PPP2R2C: variants seen among roughly 807,000 people sequenced by gnomAD.
PPP2R2C encodes protein phosphatase 2 regulatory subunit Bgamma.
A neutral mutation model predicts 45.3 loss-of-function variants in PPP2R2C; 10 were observed. The ratio of observed to expected loss-of-function variants is 0.22; its 90% confidence interval spans 0.14 to 0.37. PPP2R2C has a LOEUF of 0.37. PPP2R2C is among the 10% of genes least tolerant of loss of function. The probability of loss-of-function intolerance (pLI) is 1.00; values close to 1 mark genes in which losing one functional copy is unlikely to be tolerated. For synonymous variants in PPP2R2C, 257 were observed against 245.4 expected (o/e 1.05, Z -0.44); for missense variants, 308 against 619.7 (o/e 0.50, Z 5.34).
chr4:6,373,900 C>CGTGTGTGTGTGTGTGTGT (rs1560492609), intron 4 of PPP2R2C, among the ~76,000 whole-genome samples: 1 of 123,798 alleles, frequency 8.1e-6, no homozygotes, highest in Non-Finnish European at 1.7e-5. Flanking sequence ...TATGTGCATG[C>CGTGTGTGTGTGTGTGTGT]ATGTGTGTGT....
intron 2 of PPP2R2C, among the ~76,000 whole-genome samples, chr4:6,522,345 G>A (rs865944321): frequency 9.0e-4 from 137 of 152,360 alleles, no homozygotes; most frequent in African/African-American, 3.2e-3. Context: ...AGCACTCCCG[G>A]GCATTACCAA....
intron 2 of PPP2R2C, among the ~76,000 whole-genome samples, chr4:6,495,269 G>A (rs538414335): frequency 5.3e-5 from 8 of 152,222 alleles, no homozygotes; most frequent in Non-Finnish European, 1.0e-4. Context: ...GCCATCGTCG[G>A]CACAGGGAAT....
intron 5 of PPP2R2C, among the ~76,000 whole-genome samples, chr4:6,365,393 T>C (rs1577111717): frequency 6.6e-6 from 1 of 152,208 alleles, no homozygotes; most frequent in African/African-American, 2.4e-5. Context: ...GCCTGTAAGG[T>C]ACCCGACAGT....
chr4:6,546,256 G>C (rs1577251288), intron 1 of PPP2R2C, among the ~76,000 whole-genome samples: 1 of 152,154 alleles, frequency 6.6e-6, no homozygotes, highest in African/African-American at 2.4e-5. Context: ...GGTGATCACG[G>C]GCAAGGCAGG....
rs58305750 is a variant in PPP2R2C at position 6,342,081 on chromosome 4, T to TACACACAC, written c.790+5757_790+5764dup. On this transcript the variant is annotated intron_variant, in intron 6 of 8. Transcript: ENST00000382599. Reference sequence around the variant, plus strand: ...AAAACATTTTGGAGATCTGCCACGATACACACACACACACACACACACACA... The same window carrying TACACACAC: ...AAAACATTTTGGAGATCTGCCACGATACACACACACACACACACACACACACACACACA... Among the ~76,000 whole-genome samples the TACACACAC allele has an allele frequency of 6.3e-3, 879 of 139,702 alleles. 3 individuals carry two copies. Among genetic ancestry groups the TACACACAC allele is most frequent in the East Asian group, 0.023 (108 of 4,608 alleles). The allele number at this position is 139,702 out of a possible 152,430, so 91.6% of individuals were successfully genotyped here.
At chr4:6,362,412 C>T (rs1300165785) in intron 5 of PPP2R2C, among the ~76,000 whole-genome samples, 1 of 152,150 alleles carries the variant, frequency 6.6e-6, no homozygotes, top group East Asian at 1.9e-4. Context: ...AGGAGGCAGG[C>T]CAGGGTCGCA....
chr4:6,461,188 C>T (rs1275031046), intron 1 of PPP2R2C, among the ~76,000 whole-genome samples: 23 of 152,232 alleles, frequency 1.5e-4, no homozygotes, highest in Admixed American at 1.4e-3. Context: ...CTGGACTCTG[C>T]ATCTCACAGC....
At chr4:6,499,402 C>G (rs1722975306) in intron 2 of PPP2R2C, among the ~76,000 whole-genome samples, 1 of 152,174 alleles carries the variant, frequency 6.6e-6, no homozygotes. Context: ...CATGAGTCCT[C>G]TCGCAGTGCC....
At chr4:6,383,251 G>T in intron 1 of PPP2R2C, 1 of 1,217,748 alleles carries the variant, frequency 8.2e-7, no homozygotes, top group Non-Finnish European at 1.0e-6. Flanking sequence ...CCAACCCCCG[G>T]CCAAGCCCAG....
chr4:6,420,856 C>T, intron 1 of PPP2R2C: 2 of 845,352 alleles, frequency 2.4e-6, no homozygotes, highest in African/African-American at 1.8e-5. Flanking sequence ...CAGGTCTGTG[C>T]TGGCACACAC....
intron 2 of PPP2R2C, among the ~76,000 whole-genome samples, chr4:6,531,311 T>A (rs1040095201): frequency 1.3e-5 from 2 of 152,116 alleles, no homozygotes; most frequent in Non-Finnish European, 2.9e-5. Flanking sequence ...AGGGGTGCTG[T>A]GCACCCTCAC....
At chr4:6,506,983 A>T (rs1723258648) in intron 2 of PPP2R2C, among the ~76,000 whole-genome samples, 1 of 152,184 alleles carries the variant, frequency 6.6e-6, no homozygotes, top group African/African-American at 2.4e-5. Context: ...AGATCACCGG[A>T]TGGAAGCTCC....
intron 1 of PPP2R2C, among the ~76,000 whole-genome samples, chr4:6,453,242 AAACACC>A (rs1277559435): frequency 6.6e-6 from 1 of 152,184 alleles, no homozygotes; most frequent in East Asian, 1.9e-4. Flanking sequence ...CGCAGGTCAC[AAACACC>A]AGCAGTGACA....
intron 1 of PPP2R2C, among the ~76,000 whole-genome samples, chr4:6,404,460 GCAGATA>G (rs1202097341): frequency 6.6e-6 from 1 of 152,204 alleles, no homozygotes; most frequent in Non-Finnish European, 1.5e-5. Context: ...ACAGCACTTT[GCAGATA>G]CAAAGTGTGT....
chr4:6,542,278 G>A (rs901263542), intron 1 of PPP2R2C, among the ~76,000 whole-genome samples: 10 of 152,198 alleles, frequency 6.6e-5, no homozygotes, highest in African/African-American at 2.4e-4. Context: ...TATGCCTAGG[G>A]GATGCTCCCC....
At chr4:6,381,763 A>G (rs913332483) in intron 1 of PPP2R2C, 6 of 1,608,362 alleles carry the variant, frequency 3.7e-6, no homozygotes, top group Non-Finnish European at 4.2e-6. Flanking sequence ...CTCCTTATGG[A>G]GTCACCCCCA....
At chr4:6,388,118 T>C (rs1396408863) in intron 1 of PPP2R2C, among the ~76,000 whole-genome samples, 1 of 152,172 alleles carries the variant, frequency 6.6e-6, no homozygotes, top group Non-Finnish European at 1.5e-5. Context: ...GAGAAGCCCA[T>C]GGAAACTCAT....
chr4:6,498,665 T>C (rs903937509), intron 2 of PPP2R2C, among the ~76,000 whole-genome samples: 11 of 152,100 alleles, frequency 7.2e-5, no homozygotes, highest in African/African-American at 2.7e-4. Context: ...CTGGTGTCTA[T>C]GCACGGTGAC....
chr4:6,380,703 T>C (rs1439944996), intron 2 of PPP2R2C, among the ~76,000 whole-genome samples: 1 of 151,964 alleles, frequency 6.6e-6, no homozygotes, highest in Non-Finnish European at 1.5e-5. Context: ...AACCTGGCTT[T>C]GCCAGCCCAC....
Sources: gnomAD v4.1 joint callset for allele counts (sites outside exome capture counted in the v4.1 genomes callset) on GRCh38, gnomAD v4.1.1 for gene constraint, MANE v1.5 for transcripts, NCBI Gene and HGNC (gene_info 2026-07-23, HGNC 2026-07-21) for gene names.